Variants in ZNF618 observed in about 807,000 individuals in gnomAD.
The protein encoded by ZNF618 is zinc finger protein 618.
A neutral mutation model predicts 103.0 loss-of-function variants in ZNF618; 34 were observed. That is an observed-to-expected ratio of 0.33 (90% CI 0.25 to 0.44). The LOEUF is 0.44. Among genes scored for constraint, ZNF618 ranks in the 20% least tolerant of loss-of-function variants. The probability of loss-of-function intolerance (pLI) is 1.00; values close to 1 mark genes in which losing one functional copy is unlikely to be tolerated. For synonymous variants in ZNF618, 551 were observed against 542.2 expected, an observed-to-expected ratio of 1.02 and a Z score of -0.23; for missense variants, 1,059 against 1,295.4, an observed-to-expected ratio of 0.82 and a Z score of 2.80.
intron 10 of ZNF618, among the ~76,000 whole-genome samples, chr9:114,021,319 G>T (rs1016133045): frequency 1.3e-5 from 2 of 152,018 alleles, no homozygotes; most frequent in African/African-American, 4.8e-5. Context: ...TCAAGTTCTT[G>T]CTTAGGCATC....
intron 1 of ZNF618, among the ~76,000 whole-genome samples, chr9:113,931,812 T>C (rs1433275809): frequency 1.3e-5 from 2 of 152,230 alleles, no homozygotes; most frequent in Non-Finnish European, 2.9e-5. Context: ...GTAAAATTAA[T>C]TTCACTGTTT....
At chr9:113,932,844 A>T (rs927798425) in intron 1 of ZNF618, among the ~76,000 whole-genome samples, 7 of 152,076 alleles carry the variant, frequency 4.6e-5, no homozygotes, top group African/African-American at 1.7e-4. Context: ...ATGTTATGTA[A>T]GCTGTTGGAT....
intron 1 of ZNF618, among the ~76,000 whole-genome samples, chr9:113,940,581 G>C (rs73658306): frequency 1.3e-5 from 2 of 150,798 alleles, no homozygotes; most frequent in Non-Finnish European, 3.0e-5. Flanking sequence ...AAAATTTTGG[G>C]GGGGTGGTTC....
chr9:114,039,701 GT>G (rs1437814735), intron 13 of ZNF618, among the ~76,000 whole-genome samples: 8 of 152,182 alleles, frequency 5.3e-5, no homozygotes, highest in African/African-American at 1.9e-4. Context: ...CTGGACCTCA[GT>G]TTTTCTGTCT....
At chr9:113,925,751 G>A (rs1833033655) in intron 1 of ZNF618, among the ~76,000 whole-genome samples, 2 of 152,020 alleles carry the variant, frequency 1.3e-5, no homozygotes, top group Admixed American at 6.5e-5. Context: ...ACACTTTGAC[G>A]CTTCATGGTT....
At position 114,032,237 on chromosome 9, in the gene ZNF618, A is replaced by G. The variant is rs113883428; in HGVS notation, c.1085-408A>G. On this transcript the variant is annotated intron_variant, in intron 11 of 14. Coordinates refer to ENST00000374126, the MANE Select transcript of ZNF618 (RefSeq NM_001318042.2). ...ACCAGAAAACATGCTGTCATCATCT[A>G]TGCACTTCGGTGGGGCCCGTGGCAG... 3.1e-3 allele frequency among the ~76,000 whole-genome samples: 478 copies of G among 152,304 alleles called. 5 individuals carry two copies. The highest frequency in any genetic ancestry group is 0.011 in the African/African-American group (452 of 41,558).
intron 1 of ZNF618, among the ~76,000 whole-genome samples, chr9:113,888,749 C>T (rs1296118397): frequency 6.6e-6 from 1 of 152,182 alleles, no homozygotes; most frequent in Admixed American, 6.5e-5. Context: ...CTTTGGACCT[C>T]AGTTTTCCCT....
In ZNF618 at chr9:114,054,177, G is replaced by A. The variant is rs1267734682; in HGVS notation, c.*4010G>A. On this transcript the variant is annotated 3_prime_UTR_variant, in exon 15 of 15. Coordinates refer to ENST00000374126, the MANE Select transcript of ZNF618 (RefSeq NM_001318042.2). ...CTGCCTTTAGGAGTCCCCTATATTT[G>A]AGCAAGGCCACCTGCTTCCCCTGGA... 6.6e-6 allele frequency: 1 copy of A among 152,524 alleles called. No homozygotes were observed. Among genetic ancestry groups the A allele is most frequent in the Admixed American group, 6.5e-5 (1 of 15,286 alleles). The allele number at this position is 152,524 out of a possible 1,614,324, so 9.4% of individuals were successfully genotyped here.
chr9:113,981,709 G>A (rs1281093147), intron 2 of ZNF618, among the ~76,000 whole-genome samples: 2 of 152,214 alleles, frequency 1.3e-5, no homozygotes, highest in African/African-American at 4.8e-5. Context: ...TGGTTGCATT[G>A]TCTTAGGCTG....
chr9:114,032,679 A>G lies in ZNF618; in HGVS notation c.1119A>G (p.Lys373=). The G allele has an allele frequency of 6.2e-7, 1 of 1,614,040 alleles. No individual in the cohort carries two copies. Among genetic ancestry groups the G allele is most frequent in the Non-Finnish European group, 8.5e-7 (1 of 1,179,896 alleles). The change falls in exon 12 of 15, where the codon AAA becomes AAG. Residue 373 remains lysine (K), a synonymous_variant. Coordinates refer to ENST00000374126, the MANE Select transcript of ZNF618 (RefSeq NM_001318042.2). ...ESAFSRRVEG[K]AQNHFEETNS... ...CTTTCAGTCGGAGAGTAGAAGGCAA[A>G]GCACAAAACCACTTTGAAGAGACGA...
intron 1 of ZNF618, among the ~76,000 whole-genome samples, chr9:113,891,305 CAAAAAATAACTCCATT>C (rs1829597805): frequency 1.3e-5 from 2 of 152,122 alleles, no homozygotes; most frequent in South Asian, 4.2e-4. Context: ...TCAACAACAA[CAAAAAATAACTCCATT>C]AAAAAATGGG....
rs542156638 is a variant in ZNF618, at chr9:113,922,768, T to C, written c.34-46349T>C. On this transcript the variant is annotated intron_variant, in intron 1 of 14. Coordinates refer to ENST00000374126, the MANE Select transcript of ZNF618 (RefSeq NM_001318042.2). ...CAACTTTATTGTTGTTCTTTGGGAT[T>C]GTATTGGCTATTCTGGGTCTTTTGC... Among the ~76,000 whole-genome samples the C allele has an allele frequency of 1.8e-4, 27 of 152,342 alleles. No homozygotes were observed. In the South Asian group the frequency reaches 5.6e-3, roughly 32 times the overall value.
intron 1 of ZNF618, among the ~76,000 whole-genome samples, chr9:113,929,273 C>T (rs1833366434): frequency 6.6e-6 from 1 of 152,192 alleles, no homozygotes; most frequent in Non-Finnish European, 1.5e-5. Context: ...TTAAACGTTC[C>T]TACCAGTTAC....
chr9:114,055,809 T>A lies in ZNF618; in HGVS notation c.*5642T>A, dbSNP rs1474086618. On this transcript the variant is annotated 3_prime_UTR_variant, in exon 15 of 15. Coordinates refer to ENST00000374126, the MANE Select transcript of ZNF618 (RefSeq NM_001318042.2). The stretch of plus-strand genomic sequence containing the variant: ...TACAGGTATTAATGAATATTTTTCT[T>A]AATCCTTATAAGTTTTATGTGTTTA... 1 of 152,626 alleles carries A rather than the reference T, an allele frequency of 6.6e-6. No homozygotes were observed. Among genetic ancestry groups the A allele is most frequent in the African/African-American group, 2.4e-5 (1 of 41,456 alleles). 9.5% of individuals were successfully genotyped at this position (152,626 alleles called of 1,614,324 possible).
At chr9:114,033,779 T>G (rs930157455) in intron 12 of ZNF618, among the ~76,000 whole-genome samples, 3 of 152,172 alleles carry the variant, frequency 2.0e-5, no homozygotes, top group African/African-American at 7.2e-5. Context: ...CCCACTCACT[T>G]TCTTGCATGG....
chr9:113,998,294 T>G lies in ZNF618; in HGVS notation c.373T>G (p.Ser125Ala), dbSNP rs1166360841. 4 of 1,550,592 alleles carry G rather than the reference T, an allele frequency of 2.6e-6. No homozygotes were observed. The highest frequency in any genetic ancestry group is 3.5e-6 in the Non-Finnish European group (4 of 1,146,998). ...KAPEGSPHGGSVRSRYSGTWI... is the reference protein window; with the variant it reads ...KAPEGSPHGGAVRSRYSGTWI... ...GCCCGAAGGCAGCCCCCACGGTGGA[T>G]CTGTGCGAAGCCGGTATTCAGGGAC... The change falls in exon 4 of 15, where the codon TCT becomes GCT. Residue 125 changes from serine to alanine, a missense_variant. Transcript: ENST00000374126.
At chr9:113,915,412 A>G (rs1242822325) in intron 1 of ZNF618, among the ~76,000 whole-genome samples, 2 of 152,128 alleles carry the variant, frequency 1.3e-5, no homozygotes, top group Non-Finnish European at 1.5e-5. Flanking sequence ...GTGGATGCCA[A>G]GGTGAAGGGG....
intron 1 of ZNF618, among the ~76,000 whole-genome samples, chr9:113,938,126 T>G (rs1379958313): frequency 4.6e-5 from 7 of 151,914 alleles, no homozygotes; most frequent in Non-Finnish European, 1.5e-5. Flanking sequence ...AATGTGTCTC[T>G]TTAGGTCTTT....
chr9:114,018,476 T>C (rs765634740), intron 10 of ZNF618, among the ~76,000 whole-genome samples: 1 of 152,232 alleles, frequency 6.6e-6, no homozygotes, highest in Non-Finnish European at 1.5e-5. Flanking sequence ...GACTATAACC[T>C]TGAGTTCAGC....
Sources: gnomAD v4.1 joint callset for allele counts (sites outside exome capture counted in the v4.1 genomes callset) on GRCh38, gnomAD v4.1.1 for gene constraint, MANE v1.5 for transcripts, NCBI Gene and HGNC (gene_info 2026-07-23, HGNC 2026-07-21) for gene names.